IL6ST: variants seen among roughly 807,000 people sequenced by gnomAD.
IL6ST encodes interleukin-6 receptor subunit beta.
In IL6ST, 24 loss-of-function variants were observed where a neutral mutation model predicts 91.3. The ratio of observed to expected loss-of-function variants is 0.26; its 90% CI spans 0.19 to 0.37. The LOEUF is 0.37. Ranked by LOEUF, IL6ST falls within the 10% of genes least tolerant of loss-of-function variation. The pLI, the probability that IL6ST is intolerant of heterozygous loss-of-function variation, is 1.00. For missense variants in IL6ST, 914 were observed against 1,078.5 expected (o/e 0.85, Z 2.14); for synonymous variants, 351 against 373.6 (o/e 0.94, Z 0.70).
chr5:55,980,348 C>T (rs1241590424), intron 2 of IL6ST, among the ~76,000 whole-genome samples: 1 of 152,084 alleles, frequency 6.6e-6, no homozygotes, highest in Non-Finnish European at 1.5e-5. Flanking sequence ...TCAGGAGTTC[C>T]AGACCAGCCT....
intron 3 of IL6ST, among the ~76,000 whole-genome samples, chr5:55,972,983 C>T (rs942085327): frequency 1.4e-5 from 2 of 143,342 alleles, no homozygotes; most frequent in Non-Finnish European, 3.0e-5. Context: ...CCAGCCTAGG[C>T]AACGAAACGA....
chr5:55,957,171 A>AT, intron 9 of IL6ST, 38 bp downstream of exon 9: 2 of 1,097,976 alleles, frequency 1.8e-6, no homozygotes, highest in Non-Finnish European at 2.7e-6. Flanking sequence ...AAAAAAAAAA[A>AT]GATTTATAAG....
Position 55,941,721 on chromosome 5 carries a change from T to C in IL6ST, c.2118A>G (p.Glu706=). The change falls in exon 17 of 17, where the codon GAA becomes GAG. Residue 706 remains glutamate (E), a synonymous_variant. Transcript: ENST00000381298. ...TGAACAGGTCCAATGATTTCAGATC[T>C]TCTGGAAAAGGCTTTTTGTCATTTG... ...IEANDKKPFP[E]DLKSLDLFKK... 1 of 1,614,092 alleles carries C rather than the reference T, an allele frequency of 6.2e-7. No homozygotes were observed. Among genetic ancestry groups the C allele is most frequent in the Non-Finnish European group, 8.5e-7 (1 of 1,180,002 alleles).
At chr5:55,946,684 G>A (rs1241191859) in intron 15 of IL6ST, among the ~76,000 whole-genome samples, 1 of 151,798 alleles carries the variant, frequency 6.6e-6, no homozygotes, top group African/African-American at 2.4e-5. Flanking sequence ...GGGCATGGTG[G>A]CAAGTGCCTG....
intron 2 of IL6ST, among the ~76,000 whole-genome samples, chr5:55,977,080 G>A (rs1355120355): frequency 3.3e-5 from 5 of 151,948 alleles, no homozygotes; most frequent in Non-Finnish European, 7.4e-5. Flanking sequence ...ACTGCTGAAT[G>A]TATAAACATA....
At chr5:55,944,602 A>T in intron 15 of IL6ST, 1 of 617,402 alleles carries the variant, frequency 1.6e-6, no homozygotes, top group Non-Finnish European at 3.0e-6. Flanking sequence ...CAGTAGCGTT[A>T]AGACTGCAGT....
intron 16 of IL6ST, 52 bp downstream of exon 16, chr5:55,942,618 A>G (rs2111595952): frequency 1.1e-6 from 1 of 914,872 alleles, no homozygotes; most frequent in Admixed American, 1.9e-5. Context: ...TACTCAATAT[A>G]CCTACTAACA....
At chr5:55,969,964 C>A in intron 3 of IL6ST, 109 bp from the exon 4 acceptor site, 1 of 633,206 alleles carries the variant, frequency 1.6e-6, no homozygotes, top group Non-Finnish European at 2.7e-6. Context: ...ACTAAAATAT[C>A]CCTAAAGACA....
rs1750653441 is a variant in IL6ST, at chr5:55,938,178, C to T, written c.*2904G>A. 1 of 192,352 alleles carries T rather than the reference C, an allele frequency of 5.2e-6. No individual in the cohort carries two copies. Among genetic ancestry groups the T allele is most frequent in the Non-Finnish European group, 1.1e-5 (1 of 91,998 alleles). The allele number at this position is 192,352 out of a possible 1,614,324, so 11.9% of individuals were successfully genotyped here. A position where few individuals can be genotyped will look rare whatever the true frequency, so the allele number is the denominator to read the frequency against. On this transcript the variant is annotated 3_prime_UTR_variant, in exon 17 of 17. Coordinates refer to ENST00000381298, the MANE Select transcript of IL6ST (RefSeq NM_002184.4). The stretch of plus-strand genomic sequence containing the variant: ...AATAAGAGCTAGGGTCACTGGATGA[C>T]TTCATGTGGTAAAATCCCTTATCAA...
chr5:55,945,867 C>T (rs984721291), intron 15 of IL6ST, among the ~76,000 whole-genome samples: 11 of 151,598 alleles, frequency 7.3e-5, no homozygotes, highest in Non-Finnish European at 8.8e-5. Flanking sequence ...GCCAGGATGG[C>T]CTCAATCTCC....
intron 3 of IL6ST, among the ~76,000 whole-genome samples, chr5:55,975,785 T>C (rs1753253230): frequency 6.6e-6 from 1 of 152,092 alleles, no homozygotes; most frequent in African/African-American, 2.4e-5. Context: ...TAACTGTAAT[T>C]TGGGGACAAG....
At position 55,942,518 on chromosome 5, in the gene IL6ST, C is replaced by CTGTT. The variant is rs1198078857; in HGVS notation, c.2019+148_2019+151dup. ...TTTGATTAAAATTTTCAGTTATGTACTGTTTTATCTTCATTTACTTTTTGA... is the reference window on the plus strand; with the variant it reads ...TTTGATTAAAATTTTCAGTTATGTACTGTTTGTTTTATCTTCATTTACTTTTTGA... On this transcript the variant is annotated intron_variant, in intron 16 of 16. Transcript: ENST00000381298. The CTGTT allele has an allele frequency of 3.8e-5, 18 of 476,934 alleles. No individual in the cohort carries two copies. The East Asian group carries it at 5.0e-4, about 13-fold the overall frequency. The allele number at this position is 476,934 out of a possible 1,614,324, so 29.5% of individuals were successfully genotyped here.
At position 55,990,773 on chromosome 5, in the gene IL6ST, C is replaced by T. The variant is rs556420652; in HGVS notation, c.-104+4011G>A. On this transcript the variant is annotated intron_variant, in intron 1 of 16. Transcript: ENST00000381298. The stretch of plus-strand genomic sequence containing the variant: ...TTTTTTGTTTATTATACTTTAAGTT[C>T]TAGGGTACATGTGCACAACATGCAG... Among the ~76,000 whole-genome samples, 113 of 152,148 alleles carry T rather than the reference C, an allele frequency of 7.4e-4. 1 individual carries two copies. The highest frequency in any genetic ancestry group is 2.7e-3 in the African/African-American group (110 of 41,492).
chr5:55,962,471 A>C (rs554567922), intron 7 of IL6ST, among the ~76,000 whole-genome samples: 3 of 152,334 alleles, frequency 2.0e-5, no homozygotes, highest in Admixed American at 6.5e-5. Flanking sequence ...TGGGTATACT[A>C]TCATTTTCAG....
chr5:55,943,496 C>G (rs114005412), intron 15 of IL6ST, among the ~76,000 whole-genome samples: 1 of 152,112 alleles, frequency 6.6e-6, no homozygotes, highest in Non-Finnish European at 1.5e-5. Context: ...TAAAACCAGA[C>G]AGATAAGGCA....
At chr5:55,960,894 G>C (rs1244760681) in intron 7 of IL6ST, among the ~76,000 whole-genome samples, 1 of 152,058 alleles carries the variant, frequency 6.6e-6, no homozygotes, top group African/African-American at 2.4e-5. Flanking sequence ...GCCTCCCAAA[G>C]TGCCAGGATT....
intron 1 of IL6ST, among the ~76,000 whole-genome samples, chr5:55,990,943 A>G (rs1195930709): frequency 7.3e-6 from 1 of 137,862 alleles, no homozygotes; most frequent in African/African-American, 2.8e-5. Flanking sequence ...CCTGTGTCCA[A>G]GCGTTCTCAT....
At chr5:55,955,722 T>C (rs1751911955) in intron 10 of IL6ST, among the ~76,000 whole-genome samples, 1 of 152,234 alleles carries the variant, frequency 6.6e-6, no homozygotes, top group Non-Finnish European at 1.5e-5. Context: ...GACTGATTCC[T>C]AAAAATGCGA....
At chr5:55,942,889 C>CCAAA (rs1264958771) in intron 15 of IL6ST, 138 bp from the exon 16 acceptor site, 3 of 511,562 alleles carry the variant, frequency 5.9e-6, no homozygotes, top group African/African-American at 2.0e-5. Context: ...CTACTCTACC[C>CCAAA]CAAACAAAAA....
Sources: allele counts gnomAD v4.1 joint callset (sites outside exome capture counted in the v4.1 genomes callset), GRCh38; gene constraint gnomAD v4.1.1; transcripts MANE v1.5; gene names NCBI Gene and HGNC (gene_info 2026-07-23, HGNC 2026-07-21).